The following PHF21A variants were observed in gnomAD, a reference collection of about 807,000 sequenced individuals.
The protein encoded by PHF21A is BHC80a.
Under a neutral mutation model 82.5 loss-of-function variants are expected in PHF21A, and 11 were observed. The observed-to-expected ratio is 0.13, with a 90% CI of 0.08 to 0.22. PHF21A has a LOEUF of 0.22. PHF21A is among the 10% of genes least tolerant of loss of function. PHF21A has a pLI of 1.00. For missense variants in PHF21A, 579 were observed against 837.8 expected, an observed-to-expected ratio of 0.69 and a Z score of 3.81; for synonymous variants, 297 against 302.8, an observed-to-expected ratio of 0.98 and a Z score of 0.20.
intron 6 of PHF21A, among the ~76,000 whole-genome samples, chr11:46,029,112 A>G (rs1232718908): frequency 6.6e-6 from 1 of 152,194 alleles, no homozygotes; most frequent in Non-Finnish European, 1.5e-5. Context: ...GATAAGCTAA[A>G]CCTTGTGGAA....
At chr11:46,011,813 A>G (rs1342029406) in intron 6 of PHF21A, among the ~76,000 whole-genome samples, 4 of 152,240 alleles carry the variant, frequency 2.6e-5, no homozygotes, top group Non-Finnish European at 5.9e-5. Flanking sequence ...AGATAAAAAA[A>G]TCACTCTTAA....
chr11:46,099,523 G>GATACACACAC (rs2097058153), intron 1 of PHF21A, among the ~76,000 whole-genome samples: 1 of 137,592 alleles, frequency 7.3e-6, no homozygotes, highest in African/African-American at 2.7e-5. Context: ...AGAAAAATTA[G>GATACACACAC]ACACACACAC....
At chr11:45,957,372 T>C (rs1433705127) in intron 10 of PHF21A, among the ~76,000 whole-genome samples, 1 of 152,154 alleles carries the variant, frequency 6.6e-6, no homozygotes, top group East Asian at 1.9e-4. Flanking sequence ...CCAGGACAGA[T>C]TATATGTTAG....
At chr11:46,044,368 C>T (rs763681087) in intron 6 of PHF21A, among the ~76,000 whole-genome samples, 7 of 152,118 alleles carry the variant, frequency 4.6e-5, no homozygotes, top group Non-Finnish European at 1.0e-4. Flanking sequence ...AGCTGACCTA[C>T]TCAAATCTAT....
chr11:45,949,232 G>A (rs115122121), intron 13 of PHF21A, among the ~76,000 whole-genome samples, 170 bp downstream of exon 13: 162 of 152,326 alleles, frequency 1.1e-3, no homozygotes, highest in African/African-American at 3.8e-3. Context: ...AACCTAAGGG[G>A]TAAGCAGTGA....
intron 6 of PHF21A, among the ~76,000 whole-genome samples, chr11:46,021,288 G>A (rs1043165809): frequency 1.1e-4 from 16 of 151,174 alleles, no homozygotes; most frequent in Admixed American, 2.6e-4. Flanking sequence ...TCTTGAACTC[G>A]TGGTCTCAAG....
At chr11:46,082,698 A>G (rs986840993) in intron 4 of PHF21A, among the ~76,000 whole-genome samples, 1 of 152,192 alleles carries the variant, frequency 6.6e-6, no homozygotes, top group Non-Finnish European at 1.5e-5. Flanking sequence ...TTTAAAATAG[A>G]ATAATAAATA....
intron 6 of PHF21A, among the ~76,000 whole-genome samples, chr11:46,056,988 T>C (rs1471884666): frequency 6.6e-6 from 1 of 151,480 alleles, no homozygotes; most frequent in Non-Finnish European, 1.5e-5. Flanking sequence ...GCTTTAAATA[T>C]AGTAAAAAAA....
At chr11:46,088,995 C>G (rs1565932231) in intron 3 of PHF21A, among the ~76,000 whole-genome samples, 1 of 152,126 alleles carries the variant, frequency 6.6e-6, no homozygotes. Context: ...CCAATCAAAA[C>G]TTGACTCATC....
rs80319940 is a variant in PHF21A, at chr11:46,043,168, A to G, written c.153+33586T>C. Reference sequence around the variant, plus strand: ...TCCTTTAGAGGTAAGAAATTCAATCAATGTAAAGTACACTTTAAATAATAA... The same window carrying G: ...TCCTTTAGAGGTAAGAAATTCAATCGATGTAAAGTACACTTTAAATAATAA... On this transcript the variant is annotated intron_variant, in intron 6 of 18. Coordinates refer to ENST00000676320, the MANE Select transcript of PHF21A (RefSeq NM_001352027.3). 7.4e-3 allele frequency among the ~76,000 whole-genome samples: 1,129 copies of G among 152,272 alleles called. 11 individuals carry two copies. The highest frequency in any genetic ancestry group is 0.026 in the African/African-American group (1,075 of 41,550).
intron 15 of PHF21A, among the ~76,000 whole-genome samples, chr11:45,941,879 G>A (rs903726089): frequency 6.6e-6 from 1 of 152,216 alleles, no homozygotes; most frequent in Non-Finnish European, 1.5e-5. Flanking sequence ...TTATGTTAAC[G>A]TATCTTCCCT....
Position 45,933,838 on chromosome 11 carries a change from C to A in PHF21A, c.*130G>T. The A allele has an allele frequency of 1.2e-6, 1 of 839,360 alleles. No homozygotes were observed. The highest frequency in any genetic ancestry group is 1.7e-6 in the Non-Finnish European group (1 of 571,498). 52.0% of individuals were successfully genotyped at this position (839,360 alleles called of 1,614,324 possible). A position where few individuals can be genotyped will look rare whatever the true frequency, so the allele number is the denominator to read the frequency against. On this transcript the variant is annotated 3_prime_UTR_variant, in exon 19 of 19. Transcript: ENST00000676320. Reference sequence around the variant, plus strand: ...TGGTGCCACCTGGCACAAGCATCTTCTCTCTCTCTGGAACCAAAGAACCAA... The same window carrying A: ...TGGTGCCACCTGGCACAAGCATCTTATCTCTCTCTGGAACCAAAGAACCAA...
At chr11:46,017,652 A>C (rs1358162223) in intron 6 of PHF21A, among the ~76,000 whole-genome samples, 1 of 152,086 alleles carries the variant, frequency 6.6e-6, no homozygotes, top group Non-Finnish European at 1.5e-5. Flanking sequence ...ATCTTTACTC[A>C]CTATAATATT....
chr11:46,009,848 T>G (rs914172204), intron 6 of PHF21A, among the ~76,000 whole-genome samples: 4 of 152,258 alleles, frequency 2.6e-5, no homozygotes, highest in African/African-American at 9.6e-5. Context: ...TCATTTCATC[T>G]GGTATAACTC....
intron 6 of PHF21A, among the ~76,000 whole-genome samples, chr11:45,995,045 C>G (rs773463801): frequency 6.6e-6 from 1 of 152,178 alleles, no homozygotes; most frequent in Non-Finnish European, 1.5e-5. Flanking sequence ...TCAGACTGTA[C>G]CTAAGCGTCC....
intron 6 of PHF21A, among the ~76,000 whole-genome samples, chr11:46,033,043 T>A (rs1565642186): frequency 6.6e-6 from 1 of 152,228 alleles, no homozygotes; most frequent in Non-Finnish European, 1.5e-5. Flanking sequence ...CTTCTAACTT[T>A]ACCACTTATA....
At chr11:45,984,561 T>C (rs1026477963) in intron 6 of PHF21A, among the ~76,000 whole-genome samples, 3 of 152,224 alleles carry the variant, frequency 2.0e-5, no homozygotes, top group Non-Finnish European at 4.4e-5. Context: ...CGGAATTTTA[T>C]AGGTCTAATA....
chr11:46,016,451 T>C (rs1015044889), intron 6 of PHF21A, among the ~76,000 whole-genome samples: 1 of 152,166 alleles, frequency 6.6e-6, no homozygotes, highest in Non-Finnish European at 1.5e-5. Context: ...CTCTGTACCT[T>C]TGCCTTTGCT....
At chr11:46,013,089 G>A (rs928747709) in intron 6 of PHF21A, among the ~76,000 whole-genome samples, 4 of 152,048 alleles carry the variant, frequency 2.6e-5, no homozygotes, top group African/African-American at 9.7e-5. Context: ...AGTTTAATCT[G>A]TAAGTTAAAC....
Sources: gnomAD v4.1 joint callset for allele counts (sites outside exome capture counted in the v4.1 genomes callset) on GRCh38, gnomAD v4.1.1 for gene constraint, MANE v1.5 for transcripts, NCBI Gene and HGNC (gene_info 2026-07-23, HGNC 2026-07-21) for gene names.